The following PTPRD variants were observed in gnomAD, a reference collection of about 807,000 sequenced individuals.
PTPRD encodes receptor-type tyrosine-protein phosphatase delta.
A neutral mutation model predicts 214.5 loss-of-function variants in PTPRD; 34 were observed. That is an observed-to-expected ratio of 0.16 (90% confidence interval 0.12 to 0.21). The LOEUF is 0.21. Ranked by LOEUF, PTPRD falls within the 10% of genes least tolerant of loss-of-function variation. The probability of loss-of-function intolerance (pLI) is 1.00; values close to 1 mark genes in which losing one functional copy is unlikely to be tolerated. For missense variants in PTPRD, 2,545 were observed against 2,398.7 expected (o/e 1.06, Z -1.27); for synonymous variants, 1,128 against 845.7 (o/e 1.33, Z -5.79).
chr9:9,437,219 C>T (rs1270537339), intron 8 of PTPRD, among the ~76,000 whole-genome samples: 2 of 152,172 alleles, frequency 1.3e-5, no homozygotes, highest in East Asian at 3.8e-4. Context: ...TTCCACATAA[C>T]AGATTTTATC....
chr9:9,364,332 G>A (rs907189970), intron 9 of PTPRD, among the ~76,000 whole-genome samples: 2 of 151,386 alleles, frequency 1.3e-5, no homozygotes, highest in East Asian at 1.9e-4. Context: ...ATTTTCCCCC[G>A]AAGTGCTTAC....
rs35593505 is a variant in PTPRD, at chr9:10,117,612, G to GTTTTTTTT, written c.-544-83830_-544-83823dup. Among the ~76,000 whole-genome samples the GTTTTTTTT allele has an allele frequency of 2.2e-4, 32 of 144,672 alleles. 1 individual carries two copies. The South Asian group carries it at 3.3e-3, about 15-fold the overall frequency. 94.9% of individuals were successfully genotyped at this position (144,672 alleles called of 152,430 possible). On this transcript the variant is annotated intron_variant, in intron 3 of 45. Transcript: ENST00000381196. ...TTCCCTGTATGGATTAAATCTCCCC[G>GTTTTTTTT]TTTTTTTTTTTTTCTTATAATAATA...
chr9:8,508,870 T>C (rs2097597097), intron 21 of PTPRD, among the ~76,000 whole-genome samples: 1 of 95,352 alleles, frequency 1.0e-5, no homozygotes, highest in African/African-American at 5.0e-5. Context: ...AGCCTGTGTA[T>C]ATATATGTGT....
rs548455777 is a variant in PTPRD at position 8,724,719 on chromosome 9, A to G, written c.64+9061T>C. Among the ~76,000 whole-genome samples the G allele has an allele frequency of 2.6e-5, 4 of 152,096 alleles. No individual in the cohort carries two copies. The East Asian group carries it at 5.8e-4, about 22-fold the overall frequency. ...GAGGCCAAGGTGGGTGGAGAGCTTG[A>G]GCCCAGGATTCTGAGACCAGCCTGG... is the stretch of plus-strand genomic sequence containing the variant. On this transcript the variant is annotated intron_variant, in intron 12 of 45. Transcript: ENST00000381196.
At chr9:9,961,249 C>G (rs2094344848) in intron 4 of PTPRD, among the ~76,000 whole-genome samples, 1 of 152,118 alleles carries the variant, frequency 6.6e-6, no homozygotes, top group Non-Finnish European at 1.5e-5. Flanking sequence ...ATCTTGCACT[C>G]CCTATCAAAA....
chr9:10,431,440 C>G (rs1214979564), intron 2 of PTPRD, among the ~76,000 whole-genome samples: 2 of 152,078 alleles, frequency 1.3e-5, no homozygotes, highest in Non-Finnish European at 2.9e-5. Context: ...CAAGTGGGAT[C>G]TAATGAAACT....
intron 8 of PTPRD, among the ~76,000 whole-genome samples, chr9:9,423,409 G>A (rs187919135): frequency 1.3e-5 from 2 of 152,244 alleles, no homozygotes; most frequent in East Asian, 1.9e-4. Flanking sequence ...GAATCAGCCA[G>A]CCTCTTGATC....
At chr9:9,805,946 T>G (rs1038569315) in intron 5 of PTPRD, among the ~76,000 whole-genome samples, 1 of 152,148 alleles carries the variant, frequency 6.6e-6, no homozygotes, top group Non-Finnish European at 1.5e-5. Flanking sequence ...ACCAAATTAA[T>G]ATATTCACTC....
At chr9:9,901,101 T>C (rs999422818) in intron 5 of PTPRD, among the ~76,000 whole-genome samples, 1 of 152,094 alleles carries the variant, frequency 6.6e-6, no homozygotes, top group African/African-American at 2.4e-5. Flanking sequence ...CTTACAGTCA[T>C]AGTGGAGAGC....
At chr9:10,612,220 AAAAAG>A in intron 2 of PTPRD, among the ~76,000 whole-genome samples, 173 bp downstream of exon 2, 1 of 151,664 alleles carries the variant, frequency 6.6e-6, no homozygotes, top group South Asian at 2.1e-4. Context: ...AAAAAAAAAA[AAAAAG>A]AAAAAAATGC....
At chr9:9,543,706 A>AC (rs1240285060) in intron 8 of PTPRD, among the ~76,000 whole-genome samples, 2 of 151,608 alleles carry the variant, frequency 1.3e-5, no homozygotes, top group Non-Finnish European at 3.0e-5. Flanking sequence ...CAAACAACAA[A>AC]AACAAAAACA....
intron 2 of PTPRD, among the ~76,000 whole-genome samples, chr9:10,380,289 T>C (rs902315040): frequency 3.9e-5 from 6 of 152,126 alleles, no homozygotes; most frequent in African/African-American, 1.4e-4. Flanking sequence ...TAAAATTTCA[T>C]GGATGTTCTT....
At chr9:9,402,395 T>C (rs747381896) in intron 8 of PTPRD, among the ~76,000 whole-genome samples, 2 of 152,136 alleles carry the variant, frequency 1.3e-5, no homozygotes, top group Non-Finnish European at 2.9e-5. Context: ...TTTGAATTTA[T>C]ACCACCCACA....
intron 2 of PTPRD, among the ~76,000 whole-genome samples, chr9:10,596,903 C>T (rs981245151): frequency 6.6e-6 from 1 of 151,254 alleles, no homozygotes; most frequent in Non-Finnish European, 1.5e-5. Flanking sequence ...TAGTAAAAAC[C>T]AAGTCTTAGG....
At chr9:9,237,334 G>T (rs1334154529) in intron 9 of PTPRD, among the ~76,000 whole-genome samples, 1 of 152,094 alleles carries the variant, frequency 6.6e-6, no homozygotes, top group Non-Finnish European at 1.5e-5. Flanking sequence ...GGAGGCCAAG[G>T]CAGGAGGATC....
At chr9:8,884,363 CCTGGAAGCAGGAGTACAACTTGGTT>C (rs2098469739) in intron 11 of PTPRD, among the ~76,000 whole-genome samples, 1 of 152,122 alleles carries the variant, frequency 6.6e-6, no homozygotes, top group Non-Finnish European at 1.5e-5. Context: ...CATTGGGAAG[CCTGGAAGCAGGAGTACAACTTGGTT>C]GAAGTGGAAG....
chr9:9,437,916 A>T (rs2085970325), intron 8 of PTPRD, among the ~76,000 whole-genome samples: 1 of 152,218 alleles, frequency 6.6e-6, no homozygotes, highest in African/African-American at 2.4e-5. Context: ...CTCAACAAAA[A>T]TTCATTGTCT....
At chr9:9,642,951 C>G (rs1015835477) in intron 7 of PTPRD, among the ~76,000 whole-genome samples, 1 of 152,164 alleles carries the variant, frequency 6.6e-6, no homozygotes, top group African/African-American at 2.4e-5. Context: ...GTTCTTTAAA[C>G]AGAATACCTT....
chr9:9,070,866 C>A (rs1375982780), intron 10 of PTPRD, among the ~76,000 whole-genome samples: 2 of 152,196 alleles, frequency 1.3e-5, no homozygotes, highest in East Asian at 3.9e-4. Flanking sequence ...ATCCAGAGTA[C>A]CTTAGTTGCT....
Sources: gnomAD v4.1 joint callset for allele counts (sites outside exome capture counted in the v4.1 genomes callset) on GRCh38, gnomAD v4.1.1 for gene constraint, MANE v1.5 for transcripts, NCBI Gene and HGNC (gene_info 2026-07-23, HGNC 2026-07-21) for gene names.